The following ZNF282 variants were observed in gnomAD, a reference collection of about 807,000 sequenced individuals.
The protein encoded by ZNF282 is zinc finger protein 282.
Under a neutral mutation model 61.9 loss-of-function variants are expected in ZNF282, and 30 were observed. That is an observed-to-expected ratio of 0.48 (90% CI 0.36 to 0.66). The LOEUF is 0.66. ZNF282 is among the 30% of genes least tolerant of loss of function. The probability of loss-of-function intolerance (pLI) is 0.00; values close to 1 mark genes in which losing one functional copy is unlikely to be tolerated. For synonymous variants in ZNF282, 396 were observed against 405.0 expected (o/e 0.98, Z 0.27); for missense variants, 788 against 941.4 (o/e 0.84, Z 2.13).
intron 7 of ZNF282, among the ~76,000 whole-genome samples, chr7:149,215,529 C>G (rs1796149151): frequency 6.6e-6 from 1 of 152,174 alleles, no homozygotes; most frequent in Non-Finnish European, 1.5e-5. Context: ...GCTTAAACTT[C>G]ACGTAAGAGC....
Position 149,206,669 on chromosome 7 carries a change from C to T in ZNF282, c.586-27C>T, listed in dbSNP as rs765324078. On this transcript the variant is annotated intron_variant, in intron 2 of 7. Transcript: ENST00000610704. ...GTGGTGGGGAGGAACAGGCAGGAGG[C>T]GCTAGATTAACCGCTTGTTGGCTTA... 18 of 1,613,582 alleles carry T rather than the reference C, an allele frequency of 1.1e-5. No homozygotes were observed. The Middle Eastern group carries it at 4.9e-4, about 44-fold the overall frequency.
intron 2 of ZNF282, among the ~76,000 whole-genome samples, chr7:149,202,550 G>A (rs1030893410): frequency 1.3e-5 from 2 of 151,794 alleles, no homozygotes; most frequent in East Asian, 1.9e-4. Context: ...TCCTGACCTC[G>A]TGATCTGCCC....
At chr7:149,216,860 G>A (rs1315704729) in intron 7 of ZNF282, among the ~76,000 whole-genome samples, 2 of 152,212 alleles carry the variant, frequency 1.3e-5, no homozygotes, top group Non-Finnish European at 2.9e-5. Flanking sequence ...TCTTGTAAAA[G>A]GGACTCCTGA....
At position 149,223,854 on chromosome 7, in the gene ZNF282, C is replaced by G; in HGVS notation, c.1223C>G (p.Pro408Arg). 6.8e-7 allele frequency: 1 copy of G among 1,463,302 alleles called. No individual in the cohort carries two copies. The highest frequency in any genetic ancestry group is 1.5e-5 in the African/African-American group (1 of 68,270). The allele number at this position is 1,463,302 out of a possible 1,614,324, so 90.6% of individuals were successfully genotyped here. The change falls in exon 8 of 8, where the codon CCA becomes CGA. Residue 408 changes from proline to arginine, a missense_variant. By Grantham distance (103) the Pro-to-Arg change is moderately radical. Transcript: ENST00000610704. The stretch of plus-strand genomic sequence containing the variant: ...GTGAAGAACCCACCCCCGGCCCCGC[C>G]ACAGCCCCAGCCCCAGCCCCAGCCA... ...LMVKNPPPAP[P>R]QPQPQPQPPQ...
chr7:149,221,454 C>T (rs11771746), intron 7 of ZNF282, among the ~76,000 whole-genome samples: 39,223 of 152,070 alleles, frequency 0.26, 5,576 homozygotes, highest in African/African-American at 0.38. Context: ...AGTAGGACTG[C>T]CTTAGGTGGG....
At position 149,198,282 on chromosome 7, in the gene ZNF282, G is replaced by A. The variant is rs371887154; in HGVS notation, c.166-51G>A. Reference sequence around the variant, plus strand: ...ACCCCTGTTCCCAGCTGACTTCCCCGGCTCACACAAGGTCTCATCCTGGGT... The same window carrying A: ...ACCCCTGTTCCCAGCTGACTTCCCCAGCTCACACAAGGTCTCATCCTGGGT... On this transcript the variant is annotated intron_variant, in intron 1 of 7. Coordinates refer to ENST00000610704, the MANE Select transcript of ZNF282 (RefSeq NM_003575.4). This position sits in a 1 kb window ranked among gnomAD's most constrained non-coding sequence, Gnocchi z 4.3. The A allele has an allele frequency of 2.2e-5, 34 of 1,536,988 alleles. No individual in the cohort carries two copies. The highest frequency in any genetic ancestry group is 6.1e-5 in the Admixed American group (3 of 49,390).
intron 1 of ZNF282, among the ~76,000 whole-genome samples, chr7:149,196,059 C>T (rs1370679632): frequency 6.6e-6 from 1 of 151,976 alleles, no homozygotes; most frequent in African/African-American, 2.4e-5. Context: ...TGGCAGAGCT[C>T]TGACCCTGTG....
At chr7:149,201,582 T>C (rs1202408) in intron 2 of ZNF282, among the ~76,000 whole-genome samples, 21,518 of 151,984 alleles carry the variant, frequency 0.14, 1,643 homozygotes, top group Middle Eastern at 0.2. Flanking sequence ...TGAAACCCCA[T>C]CTCTACTAAA....
At chr7:149,206,875 A>G (rs981288482) in intron 3 of ZNF282, 53 bp downstream of exon 3, 12 of 1,606,706 alleles carry the variant, frequency 7.5e-6, no homozygotes, top group Non-Finnish European at 1.0e-5. Context: ...AGGGTTGTGA[A>G]ATGCTTATTT....
intron 6 of ZNF282, among the ~76,000 whole-genome samples, chr7:149,213,007 C>T (rs1220046544): frequency 1.3e-5 from 2 of 152,106 alleles, no homozygotes; most frequent in East Asian, 1.9e-4. Context: ...TTAGAAGTTT[C>T]CCAAGAAACT....
At chr7:149,220,725 AG>A (rs1174768828) in intron 7 of ZNF282, among the ~76,000 whole-genome samples, 2 of 149,932 alleles carry the variant, frequency 1.3e-5, no homozygotes, top group African/African-American at 4.9e-5. Context: ...GACCATAACT[AG>A]GTTACATGCT....
intron 6 of ZNF282, 132 bp downstream of exon 6, chr7:149,212,603 C>A: frequency 2.9e-6 from 2 of 691,770 alleles, no homozygotes; most frequent in Non-Finnish European, 4.7e-6. Flanking sequence ...TTCTTTGAGA[C>A]GGAGTCTTGC....
chr7:149,204,254 G>T (rs145016582), intron 2 of ZNF282, among the ~76,000 whole-genome samples: 1 of 152,202 alleles, frequency 6.6e-6, no homozygotes, highest in African/African-American at 2.4e-5. Context: ...TTGACCTTTC[G>T]AAGAGGTCAG....
rs753799003 is a variant in ZNF282, at chr7:149,212,390, C to T, written c.985C>T (p.Arg329Trp). 6.2e-7 allele frequency: 1 copy of T among 1,611,812 alleles called. No individual in the cohort carries two copies. Among genetic ancestry groups the T allele is most frequent in the South Asian group, 1.1e-5 (1 of 90,654 alleles). ...AATTTCTGCCCAGGACCTCTTGTCC[C>T]GGATTAAACAGGAGGAGCATCAGTG... ...SPISAQDLLS[R>W]IKQEEHQCVW... is the part of the protein sequence containing the mutation. Residue 329 changes from arginine to tryptophan, a missense_variant, in exon 6 of 8, where the codon CGG becomes TGG. Physicochemically the swap from Arg to Trp is moderately radical, Grantham distance 101. Around this residue, in one of 3 missense-constraint regions of ZNF282, gnomAD observed 559 missense variants for 642.0 expected, o/e 0.87. Transcript: ENST00000610704.
In ZNF282 at chr7:149,222,804, T is replaced by C. The variant is rs1245738421; in HGVS notation, c.1181-1008T>C. On this transcript the variant is annotated intron_variant, in intron 7 of 7. Transcript: ENST00000610704. ...CTGGGACTACAGGTGCGTGCCACCA[T>C]GCCCAGCTAATTTTCGTATTTTTAG... Among the ~76,000 whole-genome samples the C allele has an allele frequency of 4.1e-5, 6 of 145,028 alleles. No individual in the cohort carries two copies. In the East Asian group the frequency reaches 1.3e-3, roughly 31 times the overall value.
Position 149,224,710 on chromosome 7 carries a change from C to T in ZNF282, c.*63C>T. ...TCGGGGGCGGCCTGAGCACCAACCA[C>T]CTTGCCGGGTGTCCTCAGCCACCGT... is the stretch of plus-strand genomic sequence containing the variant. On this transcript the variant is annotated 3_prime_UTR_variant, in exon 8 of 8. Coordinates refer to ENST00000610704, the MANE Select transcript of ZNF282 (RefSeq NM_003575.4). 6.9e-7 allele frequency: 1 copy of T among 1,441,618 alleles called. No individual in the cohort carries two copies. Among genetic ancestry groups the T allele is most frequent in the Non-Finnish European group, 9.1e-7 (1 of 1,102,390 alleles). The allele number at this position is 1,441,618 out of a possible 1,614,324, so 89.3% of individuals were successfully genotyped here.
At chr7:149,210,326 C>T (rs1213983834) in intron 4 of ZNF282, among the ~76,000 whole-genome samples, 1 of 152,120 alleles carries the variant, frequency 6.6e-6, no homozygotes, top group Non-Finnish European at 1.5e-5. Context: ...CTTGCCTAGC[C>T]CTTTTTCTTG....
intron 2 of ZNF282, among the ~76,000 whole-genome samples, chr7:149,204,305 C>T (rs917428183): frequency 1.2e-4 from 18 of 152,130 alleles, no homozygotes; most frequent in African/African-American, 4.3e-4. Flanking sequence ...GATGATCTTC[C>T]AGAGTGTGGT....
intron 7 of ZNF282, among the ~76,000 whole-genome samples, chr7:149,220,534 C>T (rs1796227832): frequency 6.6e-6 from 1 of 152,182 alleles, no homozygotes; most frequent in East Asian, 1.9e-4. Flanking sequence ...AGGTTCTTTC[C>T]AATTCCTTGC....
Sources: gnomAD v4.1 joint callset for allele counts (sites outside exome capture counted in the v4.1 genomes callset) on GRCh38, gnomAD v4.1.1 for gene constraint, gnomAD v4.1.1 regional missense constraint, Gnocchi (gnomAD v3.1) non-coding constraint, MANE v1.5 for transcripts, NCBI Gene and HGNC (gene_info 2026-07-23, HGNC 2026-07-21) for gene names.